The following CARD19 variants were observed in gnomAD, a reference collection of about 807,000 sequenced individuals.
CARD19 encodes caspase recruitment domain-containing protein 19.
A neutral mutation model predicts 24.1 loss-of-function variants in CARD19; 25 were observed. That is an observed-to-expected ratio of 1.04 (90% CI 0.76 to 1.45). The LOEUF (loss-of-function observed/expected upper bound fraction) is 1.45. CARD19 is among the 40% of genes most tolerant of loss of function. The pLI is 0.00. For missense variants in CARD19, 241 were observed against 247.4 expected (o/e 0.97, Z 0.17); for synonymous variants, 103 against 104.9 (o/e 0.98, Z 0.11).
At chr9:93,100,308 T>G (rs566892291) in intron 1 of CARD19, among the ~76,000 whole-genome samples, 233 of 152,280 alleles carry the variant, frequency 1.5e-3, no homozygotes, top group Non-Finnish European at 1.9e-3. Flanking sequence ...ACTGTTTTTG[T>G]TTTTGTTTTT....
At position 93,110,505 on chromosome 9, in the gene CARD19, C is replaced by T. The variant is rs376298630; in HGVS notation, c.151-63C>T. 3.9e-5 allele frequency: 60 copies of T among 1,535,200 alleles called. No individual in the cohort carries two copies. In the African/African-American group the frequency reaches 6.4e-4, roughly 16 times the overall value. On this transcript the variant is annotated intron_variant, in intron 2 of 5. Coordinates refer to ENST00000375464, the MANE Select transcript of CARD19 (RefSeq NM_032310.5). ...AGGCTGGGGGCCTGACCTTGGTGCC[C>T]TGCCCTGACCCACAGCCAGCCCCCC...
intron 4 of CARD19, 52 bp from the exon 5 acceptor site, chr9:93,112,166 C>T (rs903541024): frequency 6.0e-6 from 9 of 1,512,300 alleles, no homozygotes; most frequent in African/African-American, 4.1e-5. Flanking sequence ...GGCCTCAGGA[C>T]CCCACCCCTC....
intron 3 of CARD19, 58 bp from the exon 4 acceptor site, chr9:93,111,821 C>G: frequency 1.3e-6 from 2 of 1,590,268 alleles, no homozygotes; most frequent in Non-Finnish European, 8.6e-7. Context: ...TGCGGGGTGA[C>G]TACCTTGCCC....
Position 93,111,906 on chromosome 9 carries a change from C to A in CARD19, c.332C>A (p.Ser111Ter). 6.2e-7 allele frequency: 1 copy of A among 1,611,850 alleles called. No individual in the cohort carries two copies. Among genetic ancestry groups the A allele is most frequent in the Non-Finnish European group, 8.5e-7 (1 of 1,179,776 alleles). Residue 111 changes from serine to a stop codon, truncating the protein, a stop_gained, in exon 4 of 6, where the codon TCG (serine) becomes TAG (stop). Transcript: ENST00000375464. LOFTEE classifies it high-confidence loss of function. ...LQNSDCTELD[S>*]GSQSGELSNR... ...AACTCAGATTGCACAGAGCTAGACT[C>A]GGGCAGCCAGAGCGGCGAGCTGAGT...
intron 1 of CARD19, among the ~76,000 whole-genome samples, chr9:93,106,414 T>TAAAAAAAAAAAAAAA (rs56137204): frequency 3.9e-5 from 4 of 102,900 alleles, no homozygotes; most frequent in Non-Finnish European, 8.1e-5. Context: ...CTGTCTCTAC[T>TAAAAAAAAAAAAAAA]AAAAAAAAAA....
At position 93,113,101 on chromosome 9, in the gene CARD19, G is replaced by C. The variant is rs1430691058; in HGVS notation, c.546G>C (p.Gly182=). 6 of 1,566,444 alleles carry C rather than the reference G, an allele frequency of 3.8e-6. No individual in the cohort carries two copies. The Admixed American group carries it at 5.6e-5, about 15-fold the overall frequency. The change falls in exon 6 of 6, where the codon GGG becomes GGC. Residue 182 remains glycine (G), a synonymous_variant. Coordinates refer to ENST00000375464, the MANE Select transcript of CARD19 (RefSeq NM_032310.5). The part of the protein sequence containing the change: ...LLAFLADDLG[G]L ...CCTTCCTGGCAGATGACCTAGGGGG[G>C]CTCTGACAGACCCTGGACCCAGGGC...
At chr9:93,111,989 C>T (rs1204619379) in intron 4 of CARD19, 51 bp downstream of exon 4, 1 of 1,575,916 alleles carries the variant, frequency 6.3e-7, no homozygotes, top group Admixed American at 1.8e-5. Flanking sequence ...CTCCCTCTCT[C>T]TTTACCCTCC....
At chr9:93,105,161 G>GGTGT (rs150097957) in intron 1 of CARD19, among the ~76,000 whole-genome samples, 1 of 146,260 alleles carries the variant, frequency 6.8e-6, no homozygotes, top group Non-Finnish European at 1.5e-5. Context: ...CGCGGTGTAA[G>GGTGT]GTGTGTGTGT....
intron 1 of CARD19, among the ~76,000 whole-genome samples, chr9:93,105,983 T>C (rs1383797556): frequency 2.0e-5 from 3 of 152,236 alleles, no homozygotes; most frequent in African/African-American, 7.2e-5. Flanking sequence ...TCATATATTT[T>C]GAAGCTCTGA....
intron 1 of CARD19, among the ~76,000 whole-genome samples, chr9:93,107,421 C>T (rs554131259): frequency 1.2e-4 from 18 of 152,360 alleles, no homozygotes; most frequent in African/African-American, 4.3e-4. Flanking sequence ...CTGTGATAAG[C>T]TCTGTGAAAG....
chr9:93,108,610 A>G (rs1827351584), intron 2 of CARD19, among the ~76,000 whole-genome samples: 1 of 152,162 alleles, frequency 6.6e-6, no homozygotes, highest in South Asian at 2.1e-4. Flanking sequence ...GTGGGCAGCC[A>G]CGCTCATCAC....
chr9:93,111,702 AGAG>A (rs1342121291), intron 3 of CARD19, 174 bp from the exon 4 acceptor site: 2 of 1,426,980 alleles, frequency 1.4e-6, no homozygotes, highest in African/African-American at 1.4e-5. Context: ...GAGTTGGAGC[AGAG>A]GAGAAGACCC....
At position 93,113,256 on chromosome 9, in the gene CARD19, G is replaced by A. The variant is rs1827583649; in HGVS notation, c.*149G>A. ...ACACACCTTCACCTTACAAGGTGCT[G>A]ACCATATTAAATGTTCAGGTTCTCT... On this transcript the variant is annotated 3_prime_UTR_variant, in exon 6 of 6. Transcript: ENST00000375464. The A allele has an allele frequency of 9.0e-6, 5 of 554,174 alleles. No individual in the cohort carries two copies. The East Asian group carries it at 1.6e-4, about 17-fold the overall frequency. 34.3% of individuals were successfully genotyped at this position (554,174 alleles called of 1,614,324 possible).
rs1029609744 is a variant in CARD19 at position 93,097,939 on chromosome 9, C to T, written c.7+1587C>T. Among the ~76,000 whole-genome samples the T allele has an allele frequency of 3.3e-5, 5 of 152,370 alleles. No individual in the cohort carries two copies. The East Asian group carries it at 7.7e-4, about 23-fold the overall frequency. On this transcript the variant is annotated intron_variant, in intron 1 of 5. Transcript: ENST00000375464. ...GAACCAAGGCCCATGGAGCACAGCT[C>T]TGGGAGGGTCATATGGACAGCCCTG...
At chr9:93,097,140 C>T (rs775235640) in intron 1 of CARD19, among the ~76,000 whole-genome samples, 2 of 152,166 alleles carry the variant, frequency 1.3e-5, no homozygotes, top group Non-Finnish European at 2.9e-5. Flanking sequence ...CATGGCAGCC[C>T]GGCCAGGGAG....
intron 1 of CARD19, among the ~76,000 whole-genome samples, chr9:93,099,985 G>A (rs73522724): frequency 0.014 from 2,124 of 152,342 alleles, 57 homozygotes; most frequent in African/African-American, 0.049. Context: ...GGGTTTGCTT[G>A]GTGAATGCCA....
At position 93,111,874 on chromosome 9, in the gene CARD19, T is replaced by G. The variant is rs1405454248; in HGVS notation, c.305-5T>G. Reference sequence around the variant, plus strand: ...ACTAACTATGCTCTGTGGTTTTGTTTCCAGAGAACTCAGATTGCACAGAGC... The same window carrying G: ...ACTAACTATGCTCTGTGGTTTTGTTGCCAGAGAACTCAGATTGCACAGAGC... On this transcript the variant is annotated splice_polypyrimidine_tract_variant and splice_region_variant and intron_variant, in intron 3 of 5. Transcript: ENST00000375464. The G allele has an allele frequency of 6.2e-7, 1 of 1,611,634 alleles. No homozygotes were observed. The highest frequency in any genetic ancestry group is 8.5e-7 in the Non-Finnish European group (1 of 1,179,484).
chr9:93,097,281 T>G (rs1049446690), intron 1 of CARD19, among the ~76,000 whole-genome samples: 17 of 151,972 alleles, frequency 1.1e-4, no homozygotes, highest in Non-Finnish European at 2.5e-4. Flanking sequence ...AGTCTCAGCC[T>G]AGGTCCTGCC....
chr9:93,107,383 A>G lies in CARD19; in HGVS notation c.8-291A>G, dbSNP rs1827301958. Among the ~76,000 whole-genome samples, 4 of 152,228 alleles carry G rather than the reference A, an allele frequency of 2.6e-5. No homozygotes were observed. The South Asian group carries it at 6.2e-4, about 24-fold the overall frequency. ...GCCCTGCAGGTGGCCCATGAAAAGT[A>G]GATTCTTCGCCCCTCTGAGTTTGTT... On this transcript the variant is annotated intron_variant, in intron 1 of 5. Transcript: ENST00000375464.
Sources: allele counts gnomAD v4.1 joint callset (sites outside exome capture counted in the v4.1 genomes callset), GRCh38; gene constraint gnomAD v4.1.1; transcripts MANE v1.5; gene names NCBI Gene and HGNC (gene_info 2026-07-23, HGNC 2026-07-21).